The following KDELR3 variants were observed in gnomAD, a reference collection of about 807,000 sequenced individuals.
KDELR3 encodes the protein ER lumen protein-retaining receptor 3.
A neutral mutation model predicts 22.7 loss-of-function variants in KDELR3; 26 were observed. The ratio of observed to expected loss-of-function variants is 1.15; its 90% CI spans 0.84 to 1.59. KDELR3 has a LOEUF of 1.59. Ranked by LOEUF, KDELR3 falls within the 40% of genes most tolerant of loss-of-function variation. The pLI is 0.00. For missense variants in KDELR3, 289 were observed against 251.1 expected (o/e 1.15, Z -1.02); for synonymous variants, 120 against 98.2 (o/e 1.22, Z -1.31).
At chr22:38,478,227 G>A (rs565681487) in intron 2 of KDELR3, among the ~76,000 whole-genome samples, 44 of 152,064 alleles carry the variant, frequency 2.9e-4, no homozygotes, top group Admixed American at 2.2e-3. Context: ...CAGTATCAGC[G>A]TCACTTGGGA....
intron 2 of KDELR3, among the ~76,000 whole-genome samples, chr22:38,475,208 G>T (rs2089550216): frequency 6.6e-6 from 1 of 151,982 alleles, no homozygotes; most frequent in African/African-American, 2.4e-5. Context: ...TTCAATAAAG[G>T]GTCACACCTG....
intron 1 of KDELR3, among the ~76,000 whole-genome samples, chr22:38,472,079 T>A (rs941815996): frequency 5.3e-5 from 8 of 152,148 alleles, no homozygotes; most frequent in Admixed American, 2.0e-4. Context: ...GACAGCACAG[T>A]AGTTCCCCCT....
rs956303224 is a variant in KDELR3, at chr22:38,482,684, C to T, written c.*148C>T. ...ATTTCAGCAAAACCTGATCATCCCA[C>T]CCAGAAGACCTTCTCATCAATAGAT... On this transcript the variant is annotated 3_prime_UTR_variant, in exon 5 of 5. Coordinates refer to ENST00000216014, the MANE Select transcript of KDELR3 (RefSeq NM_006855.4). 10 of 677,530 alleles carry T rather than the reference C, an allele frequency of 1.5e-5. No individual in the cohort carries two copies. Among genetic ancestry groups the T allele is most frequent in the Non-Finnish European group, 2.6e-5 (10 of 390,872 alleles). The allele number at this position is 677,530 out of a possible 1,614,324, so 42.0% of individuals were successfully genotyped here. A position where few individuals can be genotyped will look rare whatever the true frequency, so the allele number is the denominator to read the frequency against.
chr22:38,478,754 T>C (rs2145968817), intron 2 of KDELR3, among the ~76,000 whole-genome samples: 1 of 144,596 alleles, frequency 6.9e-6, no homozygotes, highest in South Asian at 2.4e-4. Flanking sequence ...GCGATTCTCC[T>C]GCCTCAGCCT....
Position 38,468,140 on chromosome 22 carries a change from A to G in KDELR3, c.-94A>G. On this transcript the variant is annotated 5_prime_UTR_variant, in exon 1 of 5. Transcript: ENST00000216014. ...GCGCAGGCAGGGCTCTGGGGCACCT[A>G]GAGACCGGGGCCGGAGACGTGGCAG... is the stretch of plus-strand genomic sequence containing the variant. The G allele has an allele frequency of 1.8e-6, 2 of 1,114,564 alleles. No individual in the cohort carries two copies. Among genetic ancestry groups the G allele is most frequent in the Non-Finnish European group, 2.7e-6 (2 of 745,840 alleles). 69.0% of individuals were successfully genotyped at this position (1,114,564 alleles called of 1,614,324 possible).
In KDELR3 at chr22:38,481,449, T is replaced by C. The variant is rs1178304152; in HGVS notation, c.589T>C (p.Leu197=). Residue 197 remains leucine (L), a synonymous_variant, in exon 4 of 5, where the codon TTG becomes CTG. Transcript: ENST00000216014. ...CATCTTCTACTGTGACTTCTTCTACTTGTATGTGACCAAAGGTAGGTCCTG... is the reference window on the plus strand; with the variant it reads ...CATCTTCTACTGTGACTTCTTCTACCTGTATGTGACCAAAGGTAGGTCCTG... ...QTIFYCDFFY[L]YVTKVLKGKK... is the part of the protein sequence containing the mutation. 6.2e-7 allele frequency: 1 copy of C among 1,614,150 alleles called. No individual in the cohort carries two copies. Among genetic ancestry groups the C allele is most frequent in the South Asian group, 1.1e-5 (1 of 91,088 alleles).
rs921592641 is a variant in KDELR3 at position 38,474,629 on chromosome 22, G to T, written c.192+6G>T. ...TCTACAACACAGTAATGAAGGTGAG[G>T]GGCTGGGTGATGATGGTTGGGGGAA... On this transcript the variant is annotated splice_donor_region_variant and intron_variant, in intron 2 of 4. Coordinates refer to ENST00000216014, the MANE Select transcript of KDELR3 (RefSeq NM_006855.4). The T allele has an allele frequency of 6.2e-7, 1 of 1,609,130 alleles. No individual in the cohort carries two copies. Among genetic ancestry groups the T allele is most frequent in the Non-Finnish European group, 8.5e-7 (1 of 1,175,622 alleles).
chr22:38,478,391 C>T (rs138430), intron 2 of KDELR3, among the ~76,000 whole-genome samples: 87,209 of 151,010 alleles, frequency 0.58, 25,684 homozygotes, highest in Admixed American at 0.67. Flanking sequence ...AAAAATTAGC[C>T]GGGCATGGTG....
intron 1 of KDELR3, among the ~76,000 whole-genome samples, chr22:38,472,157 T>C (rs1333929576): frequency 1.3e-5 from 2 of 151,960 alleles, no homozygotes; most frequent in African/African-American, 4.8e-5. Context: ...CCAAACCCTA[T>C]ATATATACTG....
At chr22:38,481,519 T>C in intron 4 of KDELR3, 55 bp downstream of exon 4, 8 of 1,611,278 alleles carry the variant, frequency 5.0e-6, no homozygotes, top group Non-Finnish European at 6.8e-6. Context: ...TACTCATCCA[T>C]TTAATAAGTA....
intron 2 of KDELR3, among the ~76,000 whole-genome samples, chr22:38,478,226 C>T (rs937315037): frequency 3.3e-5 from 5 of 151,958 alleles, no homozygotes; most frequent in East Asian, 1.9e-4. Flanking sequence ...GCAGTATCAG[C>T]GTCACTTGGG....
Position 38,481,392 on chromosome 22 carries a change from C to G in KDELR3, c.532C>G (p.Gln178Glu). Residue 178 changes from glutamine to glutamate, a missense_variant, in exon 4 of 5, where the codon CAA (glutamine) becomes GAA (glutamate). Coordinates refer to ENST00000216014, the MANE Select transcript of KDELR3 (RefSeq NM_006855.4). ...GTACCAGACTGAGAATTTCTATGAC[C>G]AAATTGCAGTCGTGTCTGGAGTAGT... is the stretch of plus-strand genomic sequence containing the variant. ...RRYQTENFYD[Q>E]IAVVSGVVQT... 1.9e-6 allele frequency: 3 copies of G among 1,614,200 alleles called. No homozygotes were observed. Among genetic ancestry groups the G allele is most frequent in the Non-Finnish European group, 2.5e-6 (3 of 1,180,038 alleles).
intron 2 of KDELR3, among the ~76,000 whole-genome samples, chr22:38,478,165 C>CCAAATAGGAGTA (rs1213751728): frequency 6.7e-6 from 1 of 149,834 alleles, no homozygotes; most frequent in Non-Finnish European, 1.5e-5. Context: ...GGAAATAACT[C>CCAAATAGGAGTA]CAAATAGGAG....
At position 38,468,192 on chromosome 22, in the gene KDELR3, A is replaced by G. The variant is rs2089498635; in HGVS notation, c.-42A>G. On this transcript the variant is annotated 5_prime_UTR_variant, in exon 1 of 5. Transcript: ENST00000216014. The stretch of plus-strand genomic sequence containing the variant: ...CGCCCTGCCCGCCAGAAAGTTTCCT[A>G]GAAGTTTGCTGGGCGCGGGCGCACG... The G allele has an allele frequency of 1.3e-6, 2 of 1,586,014 alleles. No homozygotes were observed. The highest frequency in any genetic ancestry group is 1.7e-6 in the Non-Finnish European group (2 of 1,155,568).
intron 2 of KDELR3, among the ~76,000 whole-genome samples, chr22:38,476,647 C>T (rs12157339): frequency 0.035 from 5,279 of 152,026 alleles, 205 homozygotes; most frequent in African/African-American, 0.088. Flanking sequence ...ACCTCAGCCT[C>T]CAGAGTAGCT....
Position 38,482,625 on chromosome 22 carries a change from T to C in KDELR3, c.*89T>C. Reference sequence around the variant, plus strand: ...TTGGCAACTTATCCATAATTTGGGATCAAATGTTAAAACCAGAAAAGTGTT... The same window carrying C: ...TTGGCAACTTATCCATAATTTGGGACCAAATGTTAAAACCAGAAAAGTGTT... On this transcript the variant is annotated 3_prime_UTR_variant, in exon 5 of 5. Coordinates refer to ENST00000216014, the MANE Select transcript of KDELR3 (RefSeq NM_006855.4). 8.1e-7 allele frequency: 1 copy of C among 1,230,348 alleles called. No individual in the cohort carries two copies. Among genetic ancestry groups the C allele is most frequent in the East Asian group, 2.3e-5 (1 of 42,756 alleles). The allele number at this position is 1,230,348 out of a possible 1,614,324, so 76.2% of individuals were successfully genotyped here.
intron 1 of KDELR3, 31 bp downstream of exon 1, chr22:38,468,355 C>G (rs773252499): frequency 6.3e-7 from 1 of 1,599,138 alleles, no homozygotes; most frequent in African/African-American, 1.3e-5. Flanking sequence ...AGGTGCGGGA[C>G]CCCCTCTCTG....
Position 38,482,639 on chromosome 22 carries a change from C to A in KDELR3, c.*103C>A. On this transcript the variant is annotated 3_prime_UTR_variant, in exon 5 of 5. Coordinates refer to ENST00000216014, the MANE Select transcript of KDELR3 (RefSeq NM_006855.4). ...ATAATTTGGGATCAAATGTTAAAAC[C>A]AGAAAAGTGTTTAGTGTGGATTTCA... is the stretch of plus-strand genomic sequence containing the variant. 1.9e-6 allele frequency: 2 copies of A among 1,073,530 alleles called. No individual in the cohort carries two copies. The highest frequency in any genetic ancestry group is 2.8e-6 in the Non-Finnish European group (2 of 704,660). The allele number at this position is 1,073,530 out of a possible 1,614,324, so 66.5% of individuals were successfully genotyped here. A position where few individuals can be genotyped will look rare whatever the true frequency, so the allele number is the denominator to read the frequency against.
chr22:38,468,723 C>T (rs2089503763), intron 1 of KDELR3, among the ~76,000 whole-genome samples: 1 of 152,184 alleles, frequency 6.6e-6, no homozygotes, highest in Non-Finnish European at 1.5e-5. Flanking sequence ...CTCTTCCCTG[C>T]CCCTTCCCAG....
Sources: gnomAD v4.1 joint callset for allele counts (sites outside exome capture counted in the v4.1 genomes callset) on GRCh38, gnomAD v4.1.1 for gene constraint, MANE v1.5 for transcripts, NCBI Gene and HGNC (gene_info 2026-07-23, HGNC 2026-07-21) for gene names.